The following PTPRD variants were observed in gnomAD, a reference collection of about 807,000 sequenced individuals.
PTPRD encodes receptor-type tyrosine-protein phosphatase delta.
A neutral mutation model predicts 214.5 loss-of-function variants in PTPRD; 34 were observed. The ratio of observed to expected loss-of-function variants is 0.16; its 90% CI spans 0.12 to 0.21. The LOEUF (loss-of-function observed/expected upper bound fraction) is 0.21. PTPRD is among the 10% of genes least tolerant of loss of function. The pLI is 1.00. For synonymous variants in PTPRD, 1,128 were observed against 845.7 expected, an observed-to-expected ratio of 1.33 and a Z score of -5.79; for missense variants, 2,545 against 2,398.7, an observed-to-expected ratio of 1.06 and a Z score of -1.27.
chr9:10,289,352 T>C (rs563589651), intron 3 of PTPRD, among the ~76,000 whole-genome samples: 5 of 152,294 alleles, frequency 3.3e-5, no homozygotes, highest in Admixed American at 3.3e-4. Context: ...ATCTACTGAG[T>C]GTAAACTACA....
At chr9:9,351,765 C>A (rs540351589) in intron 9 of PTPRD, among the ~76,000 whole-genome samples, 3 of 151,954 alleles carry the variant, frequency 2.0e-5, no homozygotes, top group Admixed American at 2.0e-4. Flanking sequence ...GGGTCAGGAG[C>A]GTAGGCTATG....
chr9:8,360,779 C>T (rs1333439563), intron 39 of PTPRD, among the ~76,000 whole-genome samples: 1 of 152,138 alleles, frequency 6.6e-6, no homozygotes, highest in Middle Eastern at 3.2e-3. Flanking sequence ...ATAGCACTTC[C>T]TGGAGTCCTT....
At chr9:9,831,874 A>G (rs182209934) in intron 5 of PTPRD, among the ~76,000 whole-genome samples, 35 of 152,064 alleles carry the variant, frequency 2.3e-4, no homozygotes, top group Non-Finnish European at 4.4e-4. Flanking sequence ...TCTTTATGCT[A>G]ATTTGAATCT....
At chr9:9,745,304 T>C (rs891944541) in intron 6 of PTPRD, among the ~76,000 whole-genome samples, 1 of 152,120 alleles carries the variant, frequency 6.6e-6, no homozygotes, top group African/African-American at 2.4e-5. Flanking sequence ...AATATGAACT[T>C]ATTTTCAAGG....
At chr9:8,330,578 C>T (rs1839309546) in intron 44 of PTPRD, among the ~76,000 whole-genome samples, 2 of 147,838 alleles carry the variant, frequency 1.4e-5, no homozygotes, top group Admixed American at 1.4e-4. Context: ...AAGTAGAAAG[C>T]AAATGTACAT....
In PTPRD at chr9:8,423,820, CT is replaced by C. The variant is rs367969427; in HGVS notation, c.4086+12771del. 7.5e-3 allele frequency among the ~76,000 whole-genome samples: 1,132 copies of C among 151,378 alleles called. 11 individuals are homozygous for C. The highest frequency in any genetic ancestry group is 0.026 in the African/African-American group (1,076 of 41,274). Reference sequence around the variant, plus strand: ...ACCTTTAAATCCCATCAACCATCTGCTTTTTTTTTCCTTGATTTTATTTACC... The same window carrying C: ...ACCTTTAAATCCCATCAACCATCTGCTTTTTTTTCCTTGATTTTATTTACC... On this transcript the variant is annotated intron_variant, in intron 35 of 45. Transcript: ENST00000381196.
intron 11 of PTPRD, among the ~76,000 whole-genome samples, chr9:8,883,546 TC>T (rs996794259): frequency 6.6e-6 from 1 of 152,108 alleles, no homozygotes; most frequent in African/African-American, 2.4e-5. Context: ...TGAGTAACTA[TC>T]CCTAAGGTCA....
intron 3 of PTPRD, among the ~76,000 whole-genome samples, chr9:10,132,102 T>G (rs1379685681): frequency 1.3e-5 from 2 of 152,144 alleles, no homozygotes; most frequent in African/African-American, 4.8e-5. Flanking sequence ...ATAGTTTCTA[T>G]GAGTGATCAG....
intron 10 of PTPRD, among the ~76,000 whole-genome samples, chr9:9,156,816 G>T (rs116894944): frequency 6.6e-6 from 1 of 152,136 alleles, no homozygotes; most frequent in African/African-American, 2.4e-5. Flanking sequence ...CCTGATTTTT[G>T]ATCAATTTGG....
intron 12 of PTPRD, among the ~76,000 whole-genome samples, chr9:8,649,655 T>G (rs1206566258): frequency 6.6e-6 from 1 of 152,224 alleles, no homozygotes; most frequent in African/African-American, 2.4e-5. Flanking sequence ...ATACACAATT[T>G]TGATACATAA....
chr9:9,248,957 A>G (rs2099974239), intron 9 of PTPRD, among the ~76,000 whole-genome samples: 1 of 152,060 alleles, frequency 6.6e-6, no homozygotes, highest in African/African-American at 2.4e-5. Context: ...CAGTGTTATC[A>G]GATCTTGCTT....
chr9:8,710,815 G>A (rs777843883), intron 12 of PTPRD, among the ~76,000 whole-genome samples: 9 of 152,016 alleles, frequency 5.9e-5, no homozygotes, highest in Non-Finnish European at 8.8e-5. Flanking sequence ...TACATATGAA[G>A]GGCCTTCAAA....
At chr9:9,659,294 A>G (rs1284627171) in intron 7 of PTPRD, among the ~76,000 whole-genome samples, 3 of 152,126 alleles carry the variant, frequency 2.0e-5, no homozygotes, top group African/African-American at 7.2e-5. Context: ...TTCCACAGGC[A>G]GTTGTTTTAT....
chr9:9,737,179 G>A (rs767533570), intron 6 of PTPRD, among the ~76,000 whole-genome samples: 1 of 151,954 alleles, frequency 6.6e-6, no homozygotes, highest in East Asian at 1.9e-4. Flanking sequence ...TACAATATTA[G>A]TCATGAATTC....
chr9:9,284,760 C>G (rs1048480813), intron 9 of PTPRD, among the ~76,000 whole-genome samples: 2 of 151,804 alleles, frequency 1.3e-5, no homozygotes, highest in Admixed American at 1.3e-4. Flanking sequence ...ATGTTAGGAT[C>G]TTGGCTCCGT....
intron 11 of PTPRD, among the ~76,000 whole-genome samples, chr9:8,998,083 G>C (rs149692292): frequency 6.6e-6 from 1 of 152,110 alleles, no homozygotes; most frequent in Non-Finnish European, 1.5e-5. Context: ...ATAGTGCAAG[G>C]TAAAGCAGCA....
At chr9:8,494,209 G>A (rs1282735299) in intron 26 of PTPRD, among the ~76,000 whole-genome samples, 1 of 152,108 alleles carries the variant, frequency 6.6e-6, no homozygotes, top group Non-Finnish European at 1.5e-5. Flanking sequence ...TAGCAAGGCT[G>A]TAACAGATAC....
intron 12 of PTPRD, among the ~76,000 whole-genome samples, chr9:8,647,523 A>G (rs1468706884): frequency 2.0e-5 from 3 of 152,212 alleles, no homozygotes; most frequent in Non-Finnish European, 2.9e-5. Flanking sequence ...TAAAGATTAC[A>G]TTTAAATTTA....
At chr9:9,295,839 C>A (rs1952814934) in intron 9 of PTPRD, among the ~76,000 whole-genome samples, 1 of 151,826 alleles carries the variant, frequency 6.6e-6, no homozygotes, top group South Asian at 2.1e-4. Flanking sequence ...AAGCATAATT[C>A]AGAGGCAACG....
Sources: gnomAD v4.1 joint callset for allele counts (sites outside exome capture counted in the v4.1 genomes callset) on GRCh38, gnomAD v4.1.1 for gene constraint, MANE v1.5 for transcripts, NCBI Gene and HGNC (gene_info 2026-07-23, HGNC 2026-07-21) for gene names.